Variants in RABGAP1L observed in about 807,000 individuals in gnomAD.
The protein encoded by RABGAP1L is rab GTPase-activating protein 1-like.
A neutral mutation model predicts 137.7 loss-of-function variants in RABGAP1L; 63 were observed. The ratio of observed to expected loss-of-function variants is 0.46; its 90% confidence interval spans 0.37 to 0.56. The LOEUF (loss-of-function observed/expected upper bound fraction) is 0.56, where lower values mean the gene tolerates loss of function less well. Ranked by LOEUF, RABGAP1L falls within the 20% of genes least tolerant of loss-of-function variation. The probability of loss-of-function intolerance (pLI) is 0.00; values close to 1 mark genes in which losing one functional copy is unlikely to be tolerated. For synonymous variants in RABGAP1L, 431 were observed against 433.7 expected (o/e 0.99, Z 0.08); for missense variants, 1,095 against 1,244.0 (o/e 0.88, Z 1.80).
At chr1:174,167,328 TAATTA>T (rs1322011841) in intron 1 of RABGAP1L, among the ~76,000 whole-genome samples, 1 of 152,240 alleles carries the variant, frequency 6.6e-6, no homozygotes, top group Non-Finnish European at 1.5e-5. Flanking sequence ...ATGGTGCCCT[TAATTA>T]AATTATGTAA....
chr1:174,194,919 C>A (rs996674553), intron 1 of RABGAP1L, among the ~76,000 whole-genome samples: 1 of 152,178 alleles, frequency 6.6e-6, no homozygotes, highest in African/African-American at 2.4e-5. Context: ...CAAGTGATTT[C>A]ACCCTAATAT....
At chr1:174,679,734 T>C (rs1677908242) in intron 14 of RABGAP1L, among the ~76,000 whole-genome samples, 2 of 152,232 alleles carry the variant, frequency 1.3e-5, no homozygotes, top group Non-Finnish European at 2.9e-5. Flanking sequence ...TTAGACTCTA[T>C]ATTGTGAAGA....
intron 13 of RABGAP1L, among the ~76,000 whole-genome samples, chr1:174,423,480 C>G (rs186070976): frequency 8.2e-6 from 1 of 121,754 alleles, no homozygotes; most frequent in East Asian, 1.9e-4. Context: ...TGCTTTTTCT[C>G]TAATCTCAAA....
intron 13 of RABGAP1L, among the ~76,000 whole-genome samples, chr1:174,562,969 G>A (rs1667323968): frequency 2.0e-5 from 3 of 152,040 alleles, no homozygotes; most frequent in Admixed American, 6.6e-5. Context: ...AAAACTGCAC[G>A]TTCTGCACAT....
intron 17 of RABGAP1L, among the ~76,000 whole-genome samples, chr1:174,728,394 C>T (rs1489620685): frequency 6.6e-6 from 1 of 152,028 alleles, no homozygotes. Context: ...ACACAAAATG[C>T]CTAGGAATAC....
At chr1:174,487,400 T>C (rs1572018752) in intron 13 of RABGAP1L, among the ~76,000 whole-genome samples, 1 of 152,342 alleles carries the variant, frequency 6.6e-6, no homozygotes, top group East Asian at 1.9e-4. Flanking sequence ...TCTCTTCTTA[T>C]AGTTTTGTCT....
Position 174,702,112 on chromosome 1 carries a change from G to C in RABGAP1L, c.2026-1G>C. ...CCTAAATTTTCCACTTTGACTTTTA[G>C]GAACAGCTACCGGACCTGCATAGCC... On this transcript the variant is annotated splice_acceptor_variant, in intron 16 of 25. Coordinates refer to ENST00000681986, the MANE Select transcript of RABGAP1L (RefSeq NM_001366446.1). LOFTEE classifies it high-confidence loss of function. 1 of 1,606,116 alleles carries C rather than the reference G, an allele frequency of 6.2e-7. No homozygotes were observed. The highest frequency in any genetic ancestry group is 1.1e-5 in the South Asian group (1 of 89,084).
intron 19 of RABGAP1L, among the ~76,000 whole-genome samples, chr1:174,851,691 A>C (rs113786076): frequency 6.8e-6 from 1 of 147,216 alleles, no homozygotes; most frequent in Non-Finnish European, 1.5e-5. Context: ...TTTTTTTTTA[A>C]TTTTTTTTGA....
At chr1:174,629,079 A>G (rs1392468174) in intron 13 of RABGAP1L, among the ~76,000 whole-genome samples, 1 of 152,190 alleles carries the variant, frequency 6.6e-6, no homozygotes, top group Non-Finnish European at 1.5e-5. Flanking sequence ...ATTAATATTG[A>G]GGAGAAAAAT....
intron 18 of RABGAP1L, among the ~76,000 whole-genome samples, chr1:174,774,515 C>CA (rs1204224114): frequency 1.3e-5 from 2 of 151,790 alleles, no homozygotes; most frequent in African/African-American, 4.8e-5. Flanking sequence ...CCCTGGGTGA[C>CA]AGAGTGAGAT....
intron 19 of RABGAP1L, chr1:174,935,326 G>C (rs1240024571): frequency 6.6e-6 from 1 of 152,114 alleles, no homozygotes; most frequent in Non-Finnish European, 1.5e-5. Context: ...TTAAGGTTTT[G>C]AGAATATCTA....
intron 4 of RABGAP1L, among the ~76,000 whole-genome samples, chr1:174,241,280 A>G (rs1671802259): frequency 6.6e-6 from 1 of 152,146 alleles, no homozygotes; most frequent in African/African-American, 2.4e-5. Context: ...AGATGGGGCC[A>G]CTTCACTCCA....
intron 7 of RABGAP1L, among the ~76,000 whole-genome samples, chr1:174,270,824 T>C (rs1674503130): frequency 6.6e-6 from 1 of 152,152 alleles, no homozygotes; most frequent in Non-Finnish European, 1.5e-5. Context: ...ATATAGAACA[T>C]TGTTCTTAAA....
At chr1:174,953,022 CATGGGTGGCATGCA>C (rs1371945138) in intron 19 of RABGAP1L, among the ~76,000 whole-genome samples, 3 of 107,018 alleles carry the variant, frequency 2.8e-5, no homozygotes, top group Non-Finnish European at 5.6e-5. Context: ...ATTAGCTAGG[CATGGGTGGCATGCA>C]AAAAAAAAAA....
intron 13 of RABGAP1L, among the ~76,000 whole-genome samples, chr1:174,505,218 C>A (rs183896131): frequency 1.0e-3 from 157 of 152,268 alleles, no homozygotes; most frequent in African/African-American, 3.4e-3. Flanking sequence ...CCTTGAGGAG[C>A]CTTACCTTTC....
chr1:174,176,713 GAAAAAAAAAAAAAAA>G (rs71563251), intron 1 of RABGAP1L, among the ~76,000 whole-genome samples: 12 of 21,550 alleles, frequency 5.6e-4, no homozygotes, highest in Admixed American at 3.1e-3. Flanking sequence ...CCCTTTTTCA[GAAAAAAAAAAAAAAA>G]AAAAAAAAAA....
chr1:174,679,716 C>G (rs760730813), intron 14 of RABGAP1L, among the ~76,000 whole-genome samples: 3 of 152,170 alleles, frequency 2.0e-5, no homozygotes, highest in Non-Finnish European at 2.9e-5. Context: ...ATATCAGGTT[C>G]ATGACTGTTA....
chr1:174,519,999 C>G (rs1663225143), intron 13 of RABGAP1L, among the ~76,000 whole-genome samples: 2 of 152,132 alleles, frequency 1.3e-5, no homozygotes, highest in African/African-American at 4.8e-5. Flanking sequence ...TTTGTTGCTG[C>G]TGGCTATACA....
intron 11 of RABGAP1L, among the ~76,000 whole-genome samples, chr1:174,364,476 G>T (rs1175302583): frequency 1.3e-5 from 2 of 151,024 alleles, no homozygotes; most frequent in South Asian, 2.1e-4. Context: ...GGATGGTCTC[G>T]ATCTCCTGAC....
Sources: gnomAD v4.1 joint callset for allele counts (sites outside exome capture counted in the v4.1 genomes callset) on GRCh38, gnomAD v4.1.1 for gene constraint, MANE v1.5 for transcripts, NCBI Gene and HGNC (gene_info 2026-07-23, HGNC 2026-07-21) for gene names.